SLF2: variants seen among roughly 807,000 people sequenced by gnomAD.
SLF2 encodes the protein SMC5/6 complex localization factor 2, also known as SMC5-SMC6 complex localization factor protein 2.
A neutral mutation model predicts 124.3 loss-of-function variants in SLF2; 68 were observed. That is an observed-to-expected ratio of 0.55 (90% CI 0.45 to 0.67). The LOEUF is 0.67. Ranked by LOEUF, SLF2 falls within the 30% of genes least tolerant of loss-of-function variation. SLF2 has a pLI of 0.00. For synonymous variants in SLF2, 480 were observed against 478.8 expected (o/e 1.00, Z -0.03); for missense variants, 1,246 against 1,373.7 (o/e 0.91, Z 1.47).
chr10:100,941,878 G>A (rs1849988665), intron 11 of SLF2, among the ~76,000 whole-genome samples: 1 of 152,136 alleles, frequency 6.6e-6, no homozygotes, highest in South Asian at 2.1e-4. Flanking sequence ...AACTAGGAAG[G>A]GGCGCAAAGA....
At chr10:100,936,845 C>T (rs1165252306) in intron 9 of SLF2, among the ~76,000 whole-genome samples, 1 of 143,846 alleles carries the variant, frequency 7.0e-6, no homozygotes, top group African/African-American at 2.5e-5. Context: ...TTATATTTGT[C>T]TAATTATAAA....
Position 100,918,266 on chromosome 10 carries a change from C to T in SLF2, c.916-118C>T, listed in dbSNP as rs1031624998. 2.0e-5 allele frequency: 11 copies of T among 539,236 alleles called. No individual in the cohort carries two copies. The Admixed American group carries it at 2.2e-4, about 11-fold the overall frequency. The allele number at this position is 539,236 out of a possible 1,614,324, so 33.4% of individuals were successfully genotyped here. On this transcript the variant is annotated intron_variant, in intron 3 of 19. Transcript: ENST00000238961. ...TATTATAGACATTAGGATTTACCTC[C>T]AAATATGGGTGCTTGCCTTATTCAA...
chr10:100,960,008 A>G lies in SLF2; in HGVS notation c.3486+512A>G, dbSNP rs183834196. Among the ~76,000 whole-genome samples, 106 of 152,292 alleles carry G rather than the reference A, an allele frequency of 7.0e-4. 2 individuals are homozygous for G. In the East Asian group the frequency reaches 0.013, roughly 19 times the overall value. Reference sequence around the variant, plus strand: ...ACACTAATCTACTTTCTGTCCCTATACATTTCCCTATTCTGGACATCGGTA... The same window carrying G: ...ACACTAATCTACTTTCTGTCCCTATGCATTTCCCTATTCTGGACATCGGTA... On this transcript the variant is annotated intron_variant, in intron 19 of 19. Coordinates refer to ENST00000238961, the MANE Select transcript of SLF2 (RefSeq NM_018121.4).
At chr10:100,932,912 T>G (rs182620009) in intron 9 of SLF2, among the ~76,000 whole-genome samples, 1 of 152,216 alleles carries the variant, frequency 6.6e-6, no homozygotes, top group Admixed American at 6.5e-5. Flanking sequence ...TCAATGTCAC[T>G]CCTAAAGTGT....
At chr10:100,919,806 T>G (rs1028299930) in intron 4 of SLF2, among the ~76,000 whole-genome samples, 4 of 152,272 alleles carry the variant, frequency 2.6e-5, no homozygotes, top group African/African-American at 7.2e-5. Context: ...CTAATTCGTT[T>G]GAACCTCATA....
At chr10:100,921,426 A>G (rs1273345764) in intron 4 of SLF2, among the ~76,000 whole-genome samples, 2 of 152,198 alleles carry the variant, frequency 1.3e-5, no homozygotes, top group Non-Finnish European at 2.9e-5. Context: ...TTATATGAAT[A>G]TTTTATGTAT....
In SLF2 at chr10:100,938,632, A is replaced by G; in HGVS notation, c.2550A>G (p.Pro850=). 4.3e-6 allele frequency: 7 copies of G among 1,612,704 alleles called. No homozygotes were observed. The highest frequency in any genetic ancestry group is 5.9e-6 in the Non-Finnish European group (7 of 1,179,562). ...FSDSPVWPWI[P]SLSDVAAVFF... ...ACTCACCAGTTTGGCCATGGATCCC[A>G]TCATTGTCTGATGTAGCAGCTGTGT... Residue 850 remains proline (P), a synonymous_variant, in exon 11 of 20, where the codon CCA becomes CCG. Coordinates refer to ENST00000238961, the MANE Select transcript of SLF2 (RefSeq NM_018121.4).
chr10:100,955,656 C>T (rs1269250505), intron 17 of SLF2, among the ~76,000 whole-genome samples: 1 of 151,988 alleles, frequency 6.6e-6, no homozygotes, highest in Non-Finnish European at 1.5e-5. Flanking sequence ...ACCTGTAATC[C>T]CAGCACTTTG....
Position 100,946,583 on chromosome 10 carries a change from T to G in SLF2, c.2935-456T>G, listed in dbSNP as rs146065150. ...CTCAAGTGATTCACCTCCCTCGGCC[T>G]CCCAAAGTGCTGGGATTACAGGCTT... is the stretch of plus-strand genomic sequence containing the variant. On this transcript the variant is annotated intron_variant, in intron 13 of 19. Transcript: ENST00000238961. 3.1e-3 allele frequency among the ~76,000 whole-genome samples: 475 copies of G among 152,218 alleles called. 4 individuals carry two copies. Among genetic ancestry groups the G allele is most frequent in the African/African-American group, 9.4e-3 (391 of 41,524 alleles).
chr10:100,914,296 TTG>T (rs201890158), intron 1 of SLF2, among the ~76,000 whole-genome samples: 37 of 129,964 alleles, frequency 2.8e-4, no homozygotes, highest in African/African-American at 7.0e-4. Context: ...ACTGTTATAA[TTG>T]TGTGTGTGTG....
chr10:100,916,753 A>G lies in SLF2; in HGVS notation c.368A>G (p.His123Arg). 2 of 1,603,742 alleles carry G rather than the reference A, an allele frequency of 1.2e-6. No individual in the cohort carries two copies. The highest frequency in any genetic ancestry group is 1.1e-5 in the South Asian group (1 of 89,444). The change falls in exon 3 of 20, where the codon CAT (histidine) becomes CGT (arginine). Residue 123 changes from histidine to arginine, a missense_variant. By Grantham distance (29) the His-to-Arg change is conservative. This residue lies in a region of SLF2 where 698 missense variants were observed against 708.9 expected (regional missense o/e 0.98). Transcript: ENST00000238961. Reference protein sequence around the residue: ...EAFMKGVKEHHEDHGIHESRR... With the variant: ...EAFMKGVKEHREDHGIHESRR... ...TTCATGAAAGGTGTTAAAGAGCACC[A>G]TGAAGATCATGGTATACATGAGTCA...
chr10:100,913,394 G>A, intron 1 of SLF2, 144 bp downstream of exon 1: 1 of 1,363,220 alleles, frequency 7.3e-7, no homozygotes, highest in Non-Finnish European at 9.4e-7. Flanking sequence ...TCCCCGCCCC[G>A]CCTCCGCGCA....
rs71013474 is a variant in SLF2, at chr10:100,928,079, C to CAGAGAGAGAG, written c.2043-1222_2043-1213dup. Among the ~76,000 whole-genome samples, 945 of 113,044 alleles carry CAGAGAGAGAG rather than the reference C, an allele frequency of 8.4e-3. 9 individuals are homozygous for CAGAGAGAGAG. Among genetic ancestry groups the CAGAGAGAGAG allele is most frequent in the African/African-American group, 0.03 (849 of 28,394 alleles). 74.2% of individuals were successfully genotyped at this position (113,044 alleles called of 152,430 possible). On this transcript the variant is annotated intron_variant, in intron 6 of 19. Coordinates refer to ENST00000238961, the MANE Select transcript of SLF2 (RefSeq NM_018121.4). Reference sequence around the variant, plus strand: ...CACACACACACACACGAGAGAGAGACAGAGAGAGAGAGAGAGAGAGAGAGA... The same window carrying CAGAGAGAGAG: ...CACACACACACACACGAGAGAGAGACAGAGAGAGAGAGAGAGAGAGAGAGAGAGAGAGAGA...
chr10:100,933,011 C>T (rs1849776157), intron 9 of SLF2, among the ~76,000 whole-genome samples: 2 of 152,130 alleles, frequency 1.3e-5, no homozygotes, highest in African/African-American at 4.8e-5. Flanking sequence ...TCTTGCCCAT[C>T]TGAAGAAACC....
chr10:100,932,284 A>G (rs1849752670), intron 9 of SLF2, among the ~76,000 whole-genome samples: 1 of 152,112 alleles, frequency 6.6e-6, no homozygotes, highest in African/African-American at 2.4e-5. Context: ...TTCTCAGGTT[A>G]CTGAGTGTTC....
chr10:100,915,845 A>G (rs984478685), intron 1 of SLF2, among the ~76,000 whole-genome samples, 154 bp from the exon 2 acceptor site: 8 of 152,186 alleles, frequency 5.3e-5, no homozygotes, highest in African/African-American at 1.9e-4. Context: ...TTTTTTAATG[A>G]ACAGTTTAGC....
intron 9 of SLF2, among the ~76,000 whole-genome samples, chr10:100,932,710 TGTGTGTGTGTGCGCGCGCGC>T (rs988675294): frequency 2.6e-4 from 23 of 88,478 alleles, no homozygotes; most frequent in Admixed American, 2.6e-3. Context: ...TGTGTGTGTG[TGTGTGTGTGTGCGCGCGCGC>T]GCGCGCGCAC....
rs1165638413 is a variant in SLF2 at position 100,916,021 on chromosome 10, T to C, written c.163T>C (p.Phe55Leu). The change falls in exon 2 of 20, where the codon TTC becomes CTC. Residue 55 changes from phenylalanine to leucine, a missense_variant. By Grantham distance (22) the Phe-to-Leu change is conservative (BLOSUM62 0). Around this residue, in one of 3 missense-constraint regions of SLF2, gnomAD observed 698 missense variants for 708.9 expected, o/e 0.98. Coordinates refer to ENST00000238961, the MANE Select transcript of SLF2 (RefSeq NM_018121.4). ...CAGGAAGCAGTCAATTATAGATTTC[T>C]TCAAACCAGCTTCAAAACAAGGTAT... ...GDRKQSIIDF[F>L]KPASKQDRHM... The C allele has an allele frequency of 1.9e-6, 3 of 1,612,308 alleles. No individual in the cohort carries two copies. The highest frequency in any genetic ancestry group is 3.3e-5 in the Admixed American group (2 of 60,002).
intron 12 of SLF2, 44 bp downstream of exon 12, chr10:100,944,172 A>G (rs753920716): frequency 7.7e-7 from 1 of 1,301,456 alleles, no homozygotes; most frequent in East Asian, 2.4e-5. Flanking sequence ...AGCTAGAACC[A>G]TTTAGTCTGT....
Sources: allele counts gnomAD v4.1 joint callset (sites outside exome capture counted in the v4.1 genomes callset), GRCh38; gene constraint gnomAD v4.1.1; regional missense constraint gnomAD v4.1.1; transcripts MANE v1.5; gene names NCBI Gene and HGNC (gene_info 2026-07-23, HGNC 2026-07-21).